Variants in ZFAT observed in about 807,000 individuals in gnomAD.
ZFAT encodes zinc finger and AT-hook domain containing.
Under a neutral mutation model 117.7 loss-of-function variants are expected in ZFAT, and 64 were observed. The observed-to-expected ratio is 0.54, with a 90% CI of 0.44 to 0.67. The LOEUF (loss-of-function observed/expected upper bound fraction) is 0.67. Ranked by LOEUF, ZFAT falls within the 30% of genes least tolerant of loss-of-function variation. The pLI is 0.00. For missense variants in ZFAT, 1,433 were observed against 1,584.5 expected (o/e 0.90, Z 1.62); for synonymous variants, 679 against 615.0 (o/e 1.10, Z -1.54).
chr8:134,553,905 A>T (rs1051042635), intron 11 of ZFAT, among the ~76,000 whole-genome samples: 2 of 152,178 alleles, frequency 1.3e-5, no homozygotes, highest in African/African-American at 4.8e-5. Context: ...CACAATCTCT[A>T]ATGTCAAAAA....
chr8:134,593,769 G>A (rs1179281948), intron 7 of ZFAT, among the ~76,000 whole-genome samples: 5 of 152,180 alleles, frequency 3.3e-5, no homozygotes, highest in African/African-American at 1.2e-4. Flanking sequence ...CAGGAATAAA[G>A]GCCACAGTTA....
intron 8 of ZFAT, among the ~76,000 whole-genome samples, chr8:134,589,097 A>T (rs889567427): frequency 6.6e-6 from 1 of 152,244 alleles, no homozygotes; most frequent in African/African-American, 2.4e-5. Flanking sequence ...GGTTCCTGGC[A>T]TTGTTCTGTG....
At chr8:134,819,493 ACCACCC>A in the ZFAT span, among the ~76,000 whole-genome samples, 1 of 19,444 alleles carries the variant, frequency 5.1e-5, no homozygotes, top group Non-Finnish European at 1.0e-4. Context: ...TGCCGGATTT[ACCACCC>A]CCCCCCCCCG....
intron 15 of ZFAT, among the ~76,000 whole-genome samples, chr8:134,482,469 A>G (rs117604657): frequency 5.3e-5 from 8 of 152,340 alleles, no homozygotes; most frequent in Admixed American, 2.6e-4. Context: ...GCGTCATCCA[A>G]TCTGTGACAT....
chr8:134,600,713 C>T (rs759050737), intron 6 of ZFAT, 45 bp from the exon 7 acceptor site: 1 of 1,444,742 alleles, frequency 6.9e-7, no homozygotes, highest in Non-Finnish European at 9.3e-7. Flanking sequence ...TTCATTTTGA[C>T]TGATTTTGAA....
At chr8:134,521,078 A>G in intron 12 of ZFAT, 77 bp from the exon 13 acceptor site, 1 of 1,024,112 alleles carries the variant, frequency 9.8e-7, no homozygotes, top group Non-Finnish European at 1.5e-6. Flanking sequence ...CTCCTGTTCA[A>G]ATGCTTCAAA....
chr8:134,602,447 C>T lies in ZFAT; in HGVS notation c.1272G>A (p.Leu424=), dbSNP rs1296408512. The part of the protein sequence containing the change: ...KNELDRDRHM[L]VHGDKWPFAC... ...CAAAAGGCCACTTGTCTCCGTGGAC[C>T]AGCATATGGCGGTCACGGTCCAGCT... is the stretch of plus-strand genomic sequence containing the variant. The change falls in exon 6 of 16, where the codon CTG becomes CTA. Residue 424 remains leucine, a synonymous_variant. Transcript: ENST00000377838. 1.2e-6 allele frequency: 2 copies of T among 1,613,854 alleles called. No homozygotes were observed. The highest frequency in any genetic ancestry group is 1.7e-5 in the Admixed American group (1 of 60,012).
At chr8:134,637,808 C>T (rs767898371) in intron 2 of ZFAT, 96 bp from the exon 3 acceptor site, 100 of 1,486,864 alleles carry the variant, frequency 6.7e-5, no homozygotes, top group Non-Finnish European at 8.0e-5. Context: ...TCAGGTTTCA[C>T]GTTTCATTAA....
At chr8:134,695,035 G>A (rs12546315) in intron 1 of ZFAT, among the ~76,000 whole-genome samples, 55,367 of 152,122 alleles carry the variant, frequency 0.36, 10,139 homozygotes, top group East Asian at 0.4. Context: ...ACAGCAGGAT[G>A]GTCGCACCGC....
chr8:134,537,625 A>G (rs1246790758), intron 11 of ZFAT, among the ~76,000 whole-genome samples: 2 of 152,306 alleles, frequency 1.3e-5, no homozygotes, highest in East Asian at 1.9e-4. Flanking sequence ...AGGTGGGACA[A>G]TGGCCAACTT....
the ZFAT span, among the ~76,000 whole-genome samples, chr8:134,720,648 G>A: frequency 0.034 from 5,189 of 152,318 alleles, 124 homozygotes; most frequent in Admixed American, 0.054. Context: ...GGGCCTGGCC[G>A]CAAGAGGGCA....
chr8:134,617,792 C>T (rs1237705186), intron 3 of ZFAT, among the ~76,000 whole-genome samples: 2 of 152,198 alleles, frequency 1.3e-5, no homozygotes, highest in Non-Finnish European at 2.9e-5. Context: ...AAACCACAGG[C>T]TTGATTCACT....
At chr8:134,578,274 G>A (rs1001140868) in intron 10 of ZFAT, among the ~76,000 whole-genome samples, 1 of 151,956 alleles carries the variant, frequency 6.6e-6, no homozygotes, top group African/African-American at 2.4e-5. Context: ...AGTTGGGTGT[G>A]GTGGTGGGTG....
At chr8:134,632,431 T>C (rs754528937) in intron 3 of ZFAT, among the ~76,000 whole-genome samples, 1 of 152,220 alleles carries the variant, frequency 6.6e-6, no homozygotes. Flanking sequence ...AAAATAACTG[T>C]TGACAGTGGG....
chr8:134,675,393 CAAGATTAGAGAAAA>C (rs1832747719), intron 1 of ZFAT, among the ~76,000 whole-genome samples: 2 of 151,934 alleles, frequency 1.3e-5, no homozygotes, highest in Admixed American at 6.6e-5. Flanking sequence ...AGTGAGAAGA[CAAGATTAGAGAAAA>C]AAGGGTGAAA....
chr8:134,497,209 A>C (rs1001563796), intron 15 of ZFAT, among the ~76,000 whole-genome samples: 33 of 152,158 alleles, frequency 2.2e-4, no homozygotes, highest in African/African-American at 6.3e-4. Flanking sequence ...AGACGTTCTG[A>C]GTTATTGGAG....
chr8:134,641,081 C>T (rs1263061150), intron 2 of ZFAT, among the ~76,000 whole-genome samples: 1 of 152,132 alleles, frequency 6.6e-6, no homozygotes, highest in Admixed American at 6.5e-5. Flanking sequence ...AGATTCCAGC[C>T]TCCTGCTCTG....
At chr8:134,525,272 A>G (rs1820941517) in intron 12 of ZFAT, among the ~76,000 whole-genome samples, 1 of 152,090 alleles carries the variant, frequency 6.6e-6, no homozygotes, top group African/African-American at 2.4e-5. Context: ...AGTCCCCTCT[A>G]TATCTCTGAT....
At chr8:134,800,391 C>CGAAAA in the ZFAT span, 1 of 397,574 alleles carries the variant, frequency 2.5e-6, no homozygotes, top group South Asian at 1.9e-5. Flanking sequence ...AATTAACACA[C>CGAAAA]TTTTTCTCTG....
Sources: allele counts gnomAD v4.1 joint callset (sites outside exome capture counted in the v4.1 genomes callset), GRCh38; gene constraint gnomAD v4.1.1; transcripts MANE v1.5; gene names NCBI Gene and HGNC (gene_info 2026-07-23, HGNC 2026-07-21).